Variants in AGMO observed in about 807,000 individuals in gnomAD.
The protein encoded by AGMO is alkylglycerol monooxygenase, also known as glyceryl-ether monooxygenase.
In AGMO, 75 loss-of-function variants were observed where a neutral mutation model predicts 60.2. The ratio of observed to expected loss-of-function variants is 1.25; its 90% CI spans 1.03 to 1.51. The LOEUF (loss-of-function observed/expected upper bound fraction) is 1.51, where lower values mean the gene tolerates loss of function less well. Ranked by LOEUF, AGMO falls within the 40% of genes most tolerant of loss-of-function variation. The pLI, the probability that AGMO is intolerant of heterozygous loss-of-function variation, is 0.00. For synonymous variants in AGMO, 261 were observed against 177.1 expected (o/e 1.47, Z -3.76); for missense variants, 763 against 525.5 (o/e 1.45, Z -4.42).
At position 15,262,779 on chromosome 7, in the gene AGMO, A is replaced by G. The variant is rs183423850; in HGVS notation, c.1264-61420T>C. ...ACAGAGAACCCAGAAATAAAGCCAA[A>G]TACTTACAGCCAACTGATCTTCGAC... On this transcript the variant is annotated intron_variant, in intron 12 of 12. Transcript: ENST00000342526. 3.0e-3 allele frequency among the ~76,000 whole-genome samples: 454 copies of G among 152,214 alleles called. 3 individuals carry two copies. Among genetic ancestry groups the G allele is most frequent in the African/African-American group, 0.01 (428 of 41,562 alleles).
In AGMO at chr7:15,250,072, G is replaced by C. The variant is rs77628239; in HGVS notation, c.1264-48713C>G. 5.3e-3 allele frequency among the ~76,000 whole-genome samples: 807 copies of C among 152,260 alleles called. 4 individuals carry two copies. The highest frequency in any genetic ancestry group is 0.016 in the African/African-American group (684 of 41,554). On this transcript the variant is annotated intron_variant, in intron 12 of 12. Transcript: ENST00000342526. Reference sequence around the variant, plus strand: ...TATCCTTAATCTTTTAGTAAGTGTAGTTGAAGCCTTCAACAATTTAATATA... The same window carrying C: ...TATCCTTAATCTTTTAGTAAGTGTACTTGAAGCCTTCAACAATTTAATATA...
At chr7:15,419,560 A>C (rs1235015528) in intron 4 of AGMO, among the ~76,000 whole-genome samples, 1 of 152,034 alleles carries the variant, frequency 6.6e-6, no homozygotes. Flanking sequence ...ACATGTTCTC[A>C]GTTATGCAAA....
intron 3 of AGMO, among the ~76,000 whole-genome samples, chr7:15,466,761 T>A (rs923754782): frequency 2.6e-5 from 4 of 152,300 alleles, no homozygotes; most frequent in African/African-American, 9.6e-5. Context: ...TTCAAATAGT[T>A]TTAAATATTC....
intron 12 of AGMO, among the ~76,000 whole-genome samples, chr7:15,348,333 C>G (rs1376867269): frequency 1.3e-5 from 2 of 151,918 alleles, no homozygotes; most frequent in Non-Finnish European, 2.9e-5. Flanking sequence ...TAAAATGATC[C>G]TGGCCGGAGA....
intron 5 of AGMO, among the ~76,000 whole-genome samples, chr7:15,412,474 A>G (rs770165674): frequency 3.9e-5 from 6 of 152,026 alleles, no homozygotes; most frequent in Non-Finnish European, 8.8e-5. Flanking sequence ...ATATCTGCAT[A>G]CAAAGTGCCC....
chr7:15,170,629 A>G, the AGMO span, among the ~76,000 whole-genome samples: 1 of 152,208 alleles, frequency 6.6e-6, no homozygotes, highest in African/African-American at 2.4e-5. Flanking sequence ...GTATTTCCAT[A>G]TACTCCATTC....
intron 3 of AGMO, among the ~76,000 whole-genome samples, chr7:15,501,212 C>G (rs1382684863): frequency 1.3e-5 from 2 of 151,866 alleles, no homozygotes; most frequent in Non-Finnish European, 2.9e-5. Flanking sequence ...TTGGTCAAGT[C>G]TTGATTTCAG....
intron 12 of AGMO, among the ~76,000 whole-genome samples, chr7:15,286,405 G>A (rs1328502124): frequency 6.6e-6 from 1 of 151,726 alleles, no homozygotes; most frequent in African/African-American, 2.4e-5. Flanking sequence ...ATCAAAAAGT[G>A]GCCAAATGAC....
chr7:15,268,673 A>G (rs1783506405), intron 12 of AGMO, among the ~76,000 whole-genome samples: 1 of 151,850 alleles, frequency 6.6e-6, no homozygotes, highest in South Asian at 2.1e-4. Context: ...GGAAAATGAT[A>G]CATAGTCAAA....
intron 3 of AGMO, among the ~76,000 whole-genome samples, chr7:15,515,870 A>C (rs908524528): frequency 4.6e-5 from 7 of 152,214 alleles, no homozygotes; most frequent in Admixed American, 4.6e-4. Context: ...TTAGTACTGT[A>C]GACAGGGTAT....
At chr7:15,482,210 C>G (rs537181112) in intron 3 of AGMO, among the ~76,000 whole-genome samples, 1 of 151,608 alleles carries the variant, frequency 6.6e-6, no homozygotes, top group East Asian at 1.9e-4. Flanking sequence ...TGGTACTCAA[C>G]CAGACCAAAA....
intron 12 of AGMO, among the ~76,000 whole-genome samples, chr7:15,259,288 G>A (rs774886119): frequency 2.3e-4 from 35 of 151,622 alleles, no homozygotes; most frequent in Non-Finnish European, 4.1e-4. Context: ...CAATAGAATT[G>A]AACAAGCAGA....
In AGMO at chr7:15,406,348, G is replaced by GTA. The variant is rs750623933; in HGVS notation, c.610-12171_610-12170dup. Among the ~76,000 whole-genome samples, 38 of 141,814 alleles carry GTA rather than the reference G, an allele frequency of 2.7e-4. No individual in the cohort carries two copies. In the East Asian group the frequency reaches 5.0e-3, roughly 19 times the overall value. The allele number at this position is 141,814 out of a possible 152,430, so 93.0% of individuals were successfully genotyped here. ...ATATATGGAATATACATATATATGT[G>GTA]TATATATATGTATATACACACATAC... On this transcript the variant is annotated intron_variant, in intron 5 of 12. Coordinates refer to ENST00000342526, the MANE Select transcript of AGMO (RefSeq NM_001004320.2).
intron 12 of AGMO, among the ~76,000 whole-genome samples, chr7:15,218,354 T>TGTGA (rs1781811337): frequency 1.3e-5 from 2 of 151,560 alleles, no homozygotes; most frequent in African/African-American, 4.8e-5. Context: ...TGTGTGTGTG[T>TGTGA]GTGTGTGTAT....
Position 15,345,085 on chromosome 7 carries a change from C to T in AGMO, c.1263+20429G>A, listed in dbSNP as rs117688392. On this transcript the variant is annotated intron_variant, in intron 12 of 12. Transcript: ENST00000342526. ...TTTTCCTGTATTATACCTACCTCCA[C>T]CAATTTCTTCTTTACAAAACACAAA... 6.8e-3 allele frequency among the ~76,000 whole-genome samples: 1,039 copies of T among 152,254 alleles called. 7 individuals are homozygous for T. The highest frequency in any genetic ancestry group is 0.011 in the Non-Finnish European group (778 of 68,012).
intron 10 of AGMO, among the ~76,000 whole-genome samples, chr7:15,372,690 T>C (rs747767637): frequency 2.0e-5 from 3 of 152,200 alleles, no homozygotes; most frequent in Non-Finnish European, 2.9e-5. Context: ...TCTCCTGTGT[T>C]TTAAACAATA....
intron 12 of AGMO, among the ~76,000 whole-genome samples, chr7:15,241,840 T>C (rs1320141361): frequency 1.3e-5 from 2 of 152,088 alleles, no homozygotes; most frequent in Non-Finnish European, 2.9e-5. Flanking sequence ...TGGGCTCTTA[T>C]CTGTAGGCTC....
intron 3 of AGMO, among the ~76,000 whole-genome samples, chr7:15,539,918 C>A (rs1307236530): frequency 6.6e-6 from 1 of 152,074 alleles, no homozygotes; most frequent in Non-Finnish European, 1.5e-5. Flanking sequence ...TATGAAAACC[C>A]TAATTTGTTA....
intron 12 of AGMO, among the ~76,000 whole-genome samples, chr7:15,335,540 C>T (rs1781631806): frequency 6.6e-6 from 1 of 152,106 alleles, no homozygotes; most frequent in African/African-American, 2.4e-5. Flanking sequence ...CACTCGCTTA[C>T]TTGGATAGAA....
Sources: gnomAD v4.1 joint callset for allele counts (sites outside exome capture counted in the v4.1 genomes callset) on GRCh38, gnomAD v4.1.1 for gene constraint, MANE v1.5 for transcripts, NCBI Gene and HGNC (gene_info 2026-07-23, HGNC 2026-07-21) for gene names.